Variants in PKNOX1 observed in about 807,000 individuals in gnomAD.
PKNOX1 encodes homeobox protein PKNOX1.
Under a neutral mutation model 51.9 loss-of-function variants are expected in PKNOX1, and 15 were observed. The observed-to-expected ratio is 0.29, with a 90% CI of 0.19 to 0.45. The LOEUF is 0.45. PKNOX1 is among the 20% of genes least tolerant of loss of function. The pLI, the probability that PKNOX1 is intolerant of heterozygous loss-of-function variation, is 1.00. For synonymous variants in PKNOX1, 219 were observed against 211.1 expected, an observed-to-expected ratio of 1.04 and a Z score of -0.32; for missense variants, 462 against 547.5, an observed-to-expected ratio of 0.84 and a Z score of 1.56.
intron 4 of PKNOX1, among the ~76,000 whole-genome samples, chr21:43,011,082 T>G (rs1979228475): frequency 6.7e-6 from 1 of 148,572 alleles, no homozygotes; most frequent in Non-Finnish European, 1.5e-5. Flanking sequence ...TTTTTTTTTT[T>G]TTTGAGACGG....
At chr21:42,982,241 C>T (rs1252533303) in intron 1 of PKNOX1, among the ~76,000 whole-genome samples, 2 of 152,160 alleles carry the variant, frequency 1.3e-5, no homozygotes, top group African/African-American at 4.8e-5. Context: ...ACAAGGAAGG[C>T]CCCCTTTGAG....
At chr21:43,017,062 C>G in intron 6 of PKNOX1, 55 bp downstream of exon 6, 1 of 1,155,068 alleles carries the variant, frequency 8.7e-7, no homozygotes, top group Non-Finnish European at 1.3e-6. Flanking sequence ...GAAAATGGTC[C>G]TGTGTGTTAG....
At chr21:43,013,314 C>A in intron 5 of PKNOX1, 76 bp downstream of exon 5, 1 of 1,092,870 alleles carries the variant, frequency 9.2e-7, no homozygotes, top group Non-Finnish European at 1.3e-6. Context: ...ACCACCAGCT[C>A]TTTCAGAATT....
rs1980266747 is a variant in PKNOX1 at position 43,031,427 on chromosome 21, CACTTG to C, written c.*1329_*1333del. ...TTCGACTTTTCAGAGCCCTCCTGCTCACTTGACCACGTGAGATTTGGAATAACTGT... is the reference window on the plus strand; with the variant it reads ...TTCGACTTTTCAGAGCCCTCCTGCTCACCACGTGAGATTTGGAATAACTGT... On this transcript the variant is annotated 3_prime_UTR_variant, in exon 11 of 11. Transcript: ENST00000291547. The C allele has an allele frequency of 6.6e-6, 1 of 152,192 alleles. No homozygotes were observed. The highest frequency in any genetic ancestry group is 1.9e-4 in the East Asian group (1 of 5,194). The allele number at this position is 152,192 out of a possible 1,614,324, so 9.4% of individuals were successfully genotyped here. A position where few individuals can be genotyped will look rare whatever the true frequency, so the allele number is the denominator to read the frequency against.
intron 2 of PKNOX1, among the ~76,000 whole-genome samples, chr21:43,005,344 C>G (rs1248487515): frequency 6.6e-6 from 1 of 152,164 alleles, no homozygotes; most frequent in South Asian, 2.1e-4. Flanking sequence ...CGCTGGGTCC[C>G]CCTTTCCCTG....
In PKNOX1 at chr21:43,032,050, G is replaced by C. The variant is rs1980295216; in HGVS notation, c.*1949G>C. The C allele has an allele frequency of 2.5e-6, 1 of 401,080 alleles. No individual in the cohort carries two copies. The highest frequency in any genetic ancestry group is 5.0e-6 in the Non-Finnish European group (1 of 199,356). The allele number at this position is 401,080 out of a possible 1,614,324, so 24.8% of individuals were successfully genotyped here. On this transcript the variant is annotated 3_prime_UTR_variant, in exon 11 of 11. Transcript: ENST00000291547. ...CTAATTTTGTATTTTTAGTAGAGAT[G>C]GGTTTCTCCATGTTGGTCGGGCTGG... is the stretch of plus-strand genomic sequence containing the variant.
intron 1 of PKNOX1, among the ~76,000 whole-genome samples, chr21:42,991,733 CA>C (rs11340187): frequency 0.89 from 122,132 of 137,858 alleles, 53,796 homozygotes; most frequent in African/African-American, 0.9. Flanking sequence ...GACTCCGTCT[CA>C]AAAAAAAAAA....
Position 43,018,156 on chromosome 21 carries a change from A to G in PKNOX1, c.646A>G (p.Thr216Ala), listed in dbSNP as rs17115709. ...VAGGTVYQPV[T>A]VVTPQGQVVT... ...AGGTGGCACAGTGTATCAGCCTGTC[A>G]CGGTCGTCACTCCCCAAGGCCAAGT... The change falls in exon 7 of 11, where the codon ACG becomes GCG. Residue 216 changes from threonine (T) to alanine (A), a missense_variant. Physicochemically the swap from Thr to Ala is moderately conservative, Grantham distance 58. Coordinates refer to ENST00000291547, the MANE Select transcript of PKNOX1 (RefSeq NM_004571.5). 8.3e-4 allele frequency: 1,335 copies of G among 1,611,660 alleles called. 11 individuals carry two copies. In the African/African-American group the frequency reaches 0.016, roughly 19 times the overall value.
intron 2 of PKNOX1, among the ~76,000 whole-genome samples, chr21:43,006,458 G>T (rs1978991090): frequency 6.6e-6 from 1 of 151,890 alleles, no homozygotes; most frequent in Non-Finnish European, 1.5e-5. Context: ...CTGGCAGATT[G>T]CCTTACACAA....
Position 43,009,610 on chromosome 21 carries a change from C to CAAAAA in PKNOX1, c.180-427_180-423dup, listed in dbSNP as rs1202062070. Among the ~76,000 whole-genome samples, 145 of 75,756 alleles carry CAAAAA rather than the reference C, an allele frequency of 1.9e-3. 1 individual carries two copies. Among genetic ancestry groups the CAAAAA allele is most frequent in the Middle Eastern group, 8.1e-3 (1 of 124 alleles). The allele number at this position is 75,756 out of a possible 152,430, so 49.7% of individuals were successfully genotyped here. On this transcript the variant is annotated intron_variant, in intron 3 of 10. Transcript: ENST00000291547. The stretch of plus-strand genomic sequence containing the variant: ...TGGGCGACAGAGTGAGACTCCATCT[C>CAAAAA]AAAAAAAAAAAAAAAAAAAAGGAAT...
At chr21:43,029,219 C>G (rs1980119037) in intron 10 of PKNOX1, among the ~76,000 whole-genome samples, 1 of 152,096 alleles carries the variant, frequency 6.6e-6, no homozygotes, top group South Asian at 2.1e-4. Flanking sequence ...GGGACTTACC[C>G]CGTTCTCACC....
rs778866929 is a variant in PKNOX1 at position 43,018,164 on chromosome 21, C to G, written c.654C>G (p.Val218=). 30 of 1,612,998 alleles carry G rather than the reference C, an allele frequency of 1.9e-5. 2 individuals are homozygous for G. The South Asian group carries it at 3.1e-4, about 17-fold the overall frequency. Residue 218 remains valine (V), a synonymous_variant, in exon 7 of 11, where the codon GTC becomes GTG. Coordinates refer to ENST00000291547, the MANE Select transcript of PKNOX1 (RefSeq NM_004571.5). The stretch of plus-strand genomic sequence containing the variant: ...CAGTGTATCAGCCTGTCACGGTCGT[C>G]ACTCCCCAAGGCCAAGTGGTCACAC... ...GGTVYQPVTV[V]TPQGQVVTQT...
In PKNOX1 at chr21:42,975,526, C is replaced by G. The variant is rs142723198; in HGVS notation, c.-57+862C>G. ...TTTGCACCTTCCTTGTGAGGGAAATCGTGTCACTTAACGAAAAATGAAGAA... is the reference window on the plus strand; with the variant it reads ...TTTGCACCTTCCTTGTGAGGGAAATGGTGTCACTTAACGAAAAATGAAGAA... On this transcript the variant is annotated intron_variant, in intron 1 of 10. Transcript: ENST00000291547. Among the ~76,000 whole-genome samples the G allele has an allele frequency of 3.9e-5, 6 of 152,342 alleles. No individual in the cohort carries two copies. The East Asian group carries it at 9.6e-4, about 24-fold the overall frequency.
At chr21:42,990,098 A>C (rs2059078466) in intron 1 of PKNOX1, among the ~76,000 whole-genome samples, 1 of 1,696 alleles carries the variant, frequency 5.9e-4, no homozygotes, top group African/African-American at 7.4e-3. Flanking sequence ...CCCTGTCTCA[A>C]AAAAAAAAAA....
intron 7 of PKNOX1, among the ~76,000 whole-genome samples, chr21:43,020,763 C>T (rs911585432): frequency 6.6e-6 from 1 of 152,200 alleles, no homozygotes; most frequent in African/African-American, 2.4e-5. Flanking sequence ...CACATGTTCT[C>T]ACTGACCTCG....
chr21:42,981,017 C>T lies in PKNOX1; in HGVS notation c.-57+6353C>T, dbSNP rs114550240. Among the ~76,000 whole-genome samples, 719 of 152,272 alleles carry T rather than the reference C, an allele frequency of 4.7e-3. 4 individuals carry two copies. Among genetic ancestry groups the T allele is most frequent in the African/African-American group, 0.016 (680 of 41,552 alleles). Reference sequence around the variant, plus strand: ...AAAAGAGACAAGGAAATAAAAACGGCACAGATAGGGGAACCCAAAGCCTAA... The same window carrying T: ...AAAAGAGACAAGGAAATAAAAACGGTACAGATAGGGGAACCCAAAGCCTAA... On this transcript the variant is annotated intron_variant, in intron 1 of 10. Coordinates refer to ENST00000291547, the MANE Select transcript of PKNOX1 (RefSeq NM_004571.5).
At chr21:43,016,515 A>G (rs1001382099) in intron 5 of PKNOX1, among the ~76,000 whole-genome samples, 1 of 152,274 alleles carries the variant, frequency 6.6e-6, no homozygotes, top group Non-Finnish European at 1.5e-5. Flanking sequence ...GAATGCTCTT[A>G]TCGGTCAGGG....
chr21:43,029,780 G>A (rs897083387), intron 10 of PKNOX1, 110 bp from the exon 11 acceptor site: 201 of 886,712 alleles, frequency 2.3e-4, no homozygotes, highest in Non-Finnish European at 3.5e-4. Flanking sequence ...ACATATATAG[G>A]TGTTTTATTT....
intron 1 of PKNOX1, among the ~76,000 whole-genome samples, chr21:42,981,622 C>T (rs1478428308): frequency 6.6e-6 from 1 of 152,194 alleles, no homozygotes; most frequent in Non-Finnish European, 1.5e-5. Context: ...TGCAGTGGCA[C>T]GATCTCGGCC....
Sources: allele counts gnomAD v4.1 joint callset (sites outside exome capture counted in the v4.1 genomes callset), GRCh38; gene constraint gnomAD v4.1.1; transcripts MANE v1.5; gene names NCBI Gene and HGNC (gene_info 2026-07-23, HGNC 2026-07-21).